GK5: variants seen among roughly 807,000 people sequenced by gnomAD.
GK5 encodes ATP:glycerol 3-phosphotransferase 5.
Under a neutral mutation model 77.3 loss-of-function variants are expected in GK5, and 39 were observed. That is an observed-to-expected ratio of 0.50 (90% CI 0.39 to 0.66). The LOEUF (loss-of-function observed/expected upper bound fraction) is 0.66. GK5 is among the 30% of genes least tolerant of loss of function. The probability of loss-of-function intolerance (pLI) is 0.00; values close to 1 mark genes in which losing one functional copy is unlikely to be tolerated. For missense variants in GK5, 487 were observed against 633.8 expected (o/e 0.77, Z 2.49); for synonymous variants, 211 against 208.0 (o/e 1.01, Z -0.13).
chr3:142,166,612 C>T (rs1160772454), intron 15 of GK5, among the ~76,000 whole-genome samples: 4 of 151,892 alleles, frequency 2.6e-5, no homozygotes, highest in Non-Finnish European at 4.4e-5. Flanking sequence ...CAGCTCACTG[C>T]AACCTCCACC....
rs995313583 is a variant in GK5, at chr3:142,157,998, C to A, written c.*7624G>T. On this transcript the variant is annotated 3_prime_UTR_variant, in exon 16 of 16. Coordinates refer to ENST00000392993, the MANE Select transcript of GK5 (RefSeq NM_001039547.3). Reference sequence around the variant, plus strand: ...ATGGAGTCTCACTCTGTCACCCAGGCAGGAGTGCAGTGGCGCGATCTCAGC... The same window carrying A: ...ATGGAGTCTCACTCTGTCACCCAGGAAGGAGTGCAGTGGCGCGATCTCAGC... 6.0e-5 allele frequency: 9 copies of A among 151,258 alleles called. No individual in the cohort carries two copies. Among genetic ancestry groups the A allele is most frequent in the Non-Finnish European group, 7.4e-5 (5 of 67,952 alleles). The allele number at this position is 151,258 out of a possible 1,614,324, so 9.4% of individuals were successfully genotyped here.
chr3:142,214,355 T>C (rs568702663), intron 2 of GK5, among the ~76,000 whole-genome samples: 4 of 152,256 alleles, frequency 2.6e-5, no homozygotes, highest in Non-Finnish European at 5.9e-5. Flanking sequence ...CACAAACTGA[T>C]GCCAGGATGC....
intron 3 of GK5, 66 bp from the exon 4 acceptor site, chr3:142,204,854 TAAGAG>T: frequency 1.1e-6 from 1 of 907,408 alleles, no homozygotes; most frequent in Non-Finnish European, 1.7e-6. Context: ...AGATGTGCCA[TAAGAG>T]AAAACAAAAT....
rs373994969 is a variant in GK5, at chr3:142,187,833, A to G, written c.544-54T>C. The G allele has an allele frequency of 5.5e-6, 7 of 1,275,482 alleles. No homozygotes were observed. The African/African-American group carries it at 7.4e-5, about 14-fold the overall frequency. The allele number at this position is 1,275,482 out of a possible 1,614,324, so 79.0% of individuals were successfully genotyped here. ...TCAAAAAGGCTAAATTACTAAGTGC[A>G]TGATTAAATGCAGATCAGTGATACA... On this transcript the variant is annotated intron_variant, in intron 5 of 15. Coordinates refer to ENST00000392993, the MANE Select transcript of GK5 (RefSeq NM_001039547.3).
Position 142,159,845 on chromosome 3 carries a change from C to CTTTTTTTTTTTTTTTTTTTTA in GK5, c.*5776_*5777insTAAAAAAAAAAAAAAAAAAAA, listed in dbSNP as rs1560204229. 1 of 104,714 alleles carries CTTTTTTTTTTTTTTTTTTTTA rather than the reference C, an allele frequency of 9.5e-6. No homozygotes were observed. Among genetic ancestry groups the CTTTTTTTTTTTTTTTTTTTTA allele is most frequent in the African/African-American group, 4.2e-5 (1 of 24,020 alleles). The allele number at this position is 104,714 out of a possible 1,614,324, so 6.5% of individuals were successfully genotyped here. ...TTTGGGGCTTTCTCTCTCTCTCTCTCTCTCTCTCTTTTTTTTTTTTGAGAC... is the reference window on the plus strand; with the variant it reads ...TTTGGGGCTTTCTCTCTCTCTCTCTCTTTTTTTTTTTTTTTTTTTTATCTCTCTCTTTTTTTTTTTTGAGAC... On this transcript the variant is annotated 3_prime_UTR_variant, in exon 16 of 16. Transcript: ENST00000392993.
At chr3:142,180,706 T>C (rs977289333) in intron 11 of GK5, among the ~76,000 whole-genome samples, 7 of 151,804 alleles carry the variant, frequency 4.6e-5, no homozygotes, top group African/African-American at 1.7e-4. Flanking sequence ...GCTAGGGAGG[T>C]AGAAGTAGTA....
rs549901715 is a variant in GK5, at chr3:142,184,025, G to A, written c.817-976C>T. On this transcript the variant is annotated intron_variant, in intron 9 of 15. Coordinates refer to ENST00000392993, the MANE Select transcript of GK5 (RefSeq NM_001039547.3). ...TGTAATCCCAACACTTTGGGAGGCC[G>A]AGGTGGGCAAATCACGAGGTCAGGA... Among the ~76,000 whole-genome samples the A allele has an allele frequency of 6.6e-4, 100 of 151,722 alleles. 1 individual carries two copies. The highest frequency in any genetic ancestry group is 3.9e-4 in the East Asian group (2 of 5,132).
intron 3 of GK5, among the ~76,000 whole-genome samples, chr3:142,212,451 A>G (rs2064199484): frequency 1.3e-5 from 2 of 152,138 alleles, no homozygotes; most frequent in African/African-American, 4.8e-5. Flanking sequence ...CGGGAGGATT[A>G]CCTGAGCCTG....
chr3:142,207,080 G>T (rs2064119403), intron 3 of GK5, among the ~76,000 whole-genome samples: 2 of 152,200 alleles, frequency 1.3e-5, no homozygotes, highest in Admixed American at 6.5e-5. Flanking sequence ...AACAGCGGGT[G>T]ATGTGCTTCC....
rs2063459190 is a variant in GK5 at position 142,165,097 on chromosome 3, T to C, written c.*525A>G. 1 of 152,686 alleles carries C rather than the reference T, an allele frequency of 6.5e-6. No homozygotes were observed. The highest frequency in any genetic ancestry group is 2.1e-4 in the South Asian group (1 of 4,834). The allele number at this position is 152,686 out of a possible 1,614,324, so 9.5% of individuals were successfully genotyped here. Reference sequence around the variant, plus strand: ...GACATATTAAGCTCATATTTGGATATAATATTAGGAAATTATGGCTTTAAA... The same window carrying C: ...GACATATTAAGCTCATATTTGGATACAATATTAGGAAATTATGGCTTTAAA... On this transcript the variant is annotated 3_prime_UTR_variant, in exon 16 of 16. Coordinates refer to ENST00000392993, the MANE Select transcript of GK5 (RefSeq NM_001039547.3).
chr3:142,217,590 G>GA (rs199809233), intron 1 of GK5, among the ~76,000 whole-genome samples: 1,937 of 151,858 alleles, frequency 0.013, 51 homozygotes, highest in African/African-American at 0.044. Context: ...TTCAGAACAG[G>GA]AAAAAAAATC....
At chr3:142,177,820 G>T (rs2063637880) in intron 11 of GK5, among the ~76,000 whole-genome samples, 1 of 151,376 alleles carries the variant, frequency 6.6e-6, no homozygotes, top group Admixed American at 6.6e-5. Context: ...GGCCCTCTTA[G>T]ATAGGCTCTG....
chr3:142,213,284 G>A (rs1051477770), intron 3 of GK5, among the ~76,000 whole-genome samples: 12 of 147,470 alleles, frequency 8.1e-5, no homozygotes, highest in Admixed American at 6.6e-4. Flanking sequence ...TAACTTACCC[G>A]AAAGAAAGAA....
intron 3 of GK5, among the ~76,000 whole-genome samples, chr3:142,205,334 C>T (rs966063166): frequency 1.3e-5 from 2 of 152,118 alleles, no homozygotes; most frequent in African/African-American, 4.8e-5. Flanking sequence ...TTTTCCTTTG[C>T]GGCTCCCGCA....
Position 142,199,809 on chromosome 3 carries a change from G to A in GK5, c.412-876C>T, listed in dbSNP as rs889322110. ...CTATCCTGCCACACACTACAGGGATGTAGATGGACACTTCAACTTGTAAAA... is the reference window on the plus strand; with the variant it reads ...CTATCCTGCCACACACTACAGGGATATAGATGGACACTTCAACTTGTAAAA... On this transcript the variant is annotated intron_variant, in intron 4 of 15. Transcript: ENST00000392993. Among the ~76,000 whole-genome samples the A allele has an allele frequency of 2.0e-5, 3 of 150,416 alleles. No individual in the cohort carries two copies. The East Asian group carries it at 5.8e-4, about 29-fold the overall frequency.
chr3:142,218,064 T>C (rs2107799406), intron 1 of GK5, among the ~76,000 whole-genome samples: 1 of 152,234 alleles, frequency 6.6e-6, no homozygotes, highest in East Asian at 1.9e-4. Flanking sequence ...TAGTATGCTA[T>C]TGGCATAAAA....
chr3:142,187,591 C>G, intron 6 of GK5, 113 bp downstream of exon 6: 1 of 721,632 alleles, frequency 1.4e-6, no homozygotes, highest in Non-Finnish European at 2.3e-6. Context: ...GTTGACAGAG[C>G]GAGACCCTAG....
At chr3:142,215,167 G>T (rs2064255855) in intron 2 of GK5, among the ~76,000 whole-genome samples, 1 of 152,050 alleles carries the variant, frequency 6.6e-6, no homozygotes, top group Non-Finnish European at 1.5e-5. Flanking sequence ...CATAGCTTTG[G>T]CCAGGAAAGC....
intron 12 of GK5, among the ~76,000 whole-genome samples, chr3:142,173,450 G>A (rs534463125): frequency 1.1e-4 from 17 of 152,158 alleles, no homozygotes; most frequent in Non-Finnish European, 2.1e-4. Flanking sequence ...TTGGGAGGCC[G>A]ACAAAGGTGG....
Sources: allele counts gnomAD v4.1 joint callset (sites outside exome capture counted in the v4.1 genomes callset), GRCh38; gene constraint gnomAD v4.1.1; transcripts MANE v1.5; gene names NCBI Gene and HGNC (gene_info 2026-07-23, HGNC 2026-07-21).